Variants in CHSY3 observed in about 807,000 individuals in gnomAD.
CHSY3 encodes chondroitin sulfate synthase 3.
CHSY3 carries 35 observed loss-of-function variants against 67.2 expected under a neutral mutation model. The ratio of observed to expected loss-of-function variants is 0.52; its 90% CI spans 0.40 to 0.69. The LOEUF is 0.69. CHSY3 is among the 30% of genes least tolerant of loss of function. CHSY3 has a pLI of 0.00. For synonymous variants in CHSY3, 474 were observed against 434.7 expected, an observed-to-expected ratio of 1.09 and a Z score of -1.12; for missense variants, 1,069 against 1,138.5, an observed-to-expected ratio of 0.94 and a Z score of 0.88.
intron 2 of CHSY3, among the ~76,000 whole-genome samples, chr5:129,958,960 T>C (rs1159195956): frequency 1.3e-5 from 2 of 152,164 alleles, no homozygotes; most frequent in African/African-American, 4.8e-5. Flanking sequence ...TATTTCCTTG[T>C]TAGCCTAAAT....
chr5:129,911,682 G>C (rs1013782711), intron 2 of CHSY3, among the ~76,000 whole-genome samples: 4 of 152,200 alleles, frequency 2.6e-5, no homozygotes, highest in African/African-American at 9.6e-5. Flanking sequence ...TAAATTCTCA[G>C]AGAGTTAAGC....
At position 129,905,057 on chromosome 5, in the gene CHSY3, G is replaced by A. The variant is rs1173108381; in HGVS notation, c.228G>A (p.Pro76=). 6.5e-7 allele frequency: 1 copy of A among 1,546,372 alleles called. No homozygotes were observed. The highest frequency in any genetic ancestry group is 8.7e-7 in the Non-Finnish European group (1 of 1,152,524). Residue 76 remains proline, a synonymous_variant, in exon 1 of 3, where the codon CCG becomes CCA. Transcript: ENST00000305031. ...CCCGACCACGGCAGGAGCAGTCGCCGCCCCCCGCGCGCCAGGATCTCCAGG... is the reference window on the plus strand; with the variant it reads ...CCCGACCACGGCAGGAGCAGTCGCCACCCCCCGCGCGCCAGGATCTCCAGG... ...PQSRPRQEQS[P]PPARQDLQGP... is the part of the protein sequence containing the mutation.
chr5:129,947,644 C>CA lies in CHSY3; in HGVS notation c.1086+39292dup, dbSNP rs764262451. 7.5e-4 allele frequency among the ~76,000 whole-genome samples: 113 copies of CA among 150,690 alleles called. 1 individual carries two copies. Among genetic ancestry groups the CA allele is most frequent in the Admixed American group, 5.9e-4 (9 of 15,150 alleles). Reference sequence around the variant, plus strand: ...CTCAAAAAAAAAAAACAAAACGAAACAAAAAAAATGAGATTTGGGTGGGGG... The same window carrying CA: ...CTCAAAAAAAAAAAACAAAACGAAACAAAAAAAAATGAGATTTGGGTGGGGG... On this transcript the variant is annotated intron_variant, in intron 2 of 2. Transcript: ENST00000305031.
At chr5:130,051,033 A>G (rs1765334390) in intron 2 of CHSY3, among the ~76,000 whole-genome samples, 1 of 152,174 alleles carries the variant, frequency 6.6e-6, no homozygotes, top group Admixed American at 6.6e-5. Flanking sequence ...AAAAGTTAAA[A>G]GCTATAAAGT....
At chr5:129,916,390 G>A (rs1424059883) in intron 2 of CHSY3, among the ~76,000 whole-genome samples, 1 of 152,158 alleles carries the variant, frequency 6.6e-6, no homozygotes, top group Non-Finnish European at 1.5e-5. Context: ...AAGAGGTTCA[G>A]AGAATTCTAA....
intron 2 of CHSY3, among the ~76,000 whole-genome samples, chr5:130,059,422 T>C (rs1383694210): frequency 6.6e-6 from 1 of 151,830 alleles, no homozygotes; most frequent in Non-Finnish European, 1.5e-5. Flanking sequence ...TTCCTCTCTC[T>C]CTTTCTTCCC....
chr5:129,966,905 G>C (rs1214885945), intron 2 of CHSY3, among the ~76,000 whole-genome samples: 4 of 151,790 alleles, frequency 2.6e-5, no homozygotes, highest in Non-Finnish European at 5.9e-5. Flanking sequence ...TACAGATACT[G>C]TAAGTAACTT....
At chr5:130,088,464 G>A (rs1029299062) in intron 2 of CHSY3, among the ~76,000 whole-genome samples, 6 of 151,910 alleles carry the variant, frequency 3.9e-5, no homozygotes, top group African/African-American at 1.2e-4. Flanking sequence ...GAAAATTTTT[G>A]CAACCTACTC....
intron 2 of CHSY3, among the ~76,000 whole-genome samples, chr5:130,127,690 A>G (rs1768339031): frequency 6.6e-6 from 1 of 152,208 alleles, no homozygotes; most frequent in Non-Finnish European, 1.5e-5. Context: ...ACTTAGGTCA[A>G]TCAGAAATTC....
At chr5:130,102,752 A>G (rs1470622578) in intron 2 of CHSY3, among the ~76,000 whole-genome samples, 2 of 152,078 alleles carry the variant, frequency 1.3e-5, no homozygotes, top group Non-Finnish European at 2.9e-5. Context: ...AAATTCCTAC[A>G]TATTGGCCTG....
intron 2 of CHSY3, among the ~76,000 whole-genome samples, chr5:129,990,384 G>GTGTA (rs1307476847): frequency 2.6e-5 from 4 of 151,082 alleles, no homozygotes; most frequent in Admixed American, 1.3e-4. Flanking sequence ...GTGAGTGTGT[G>GTGTA]TGTGTGTGTG....
intron 2 of CHSY3, among the ~76,000 whole-genome samples, chr5:129,926,181 G>A (rs2149586054): frequency 6.6e-6 from 1 of 152,006 alleles, no homozygotes; most frequent in Admixed American, 6.5e-5. Context: ...ATTATTATTT[G>A]GTCACGAACC....
intron 2 of CHSY3, among the ~76,000 whole-genome samples, chr5:129,917,997 G>C (rs1760787491): frequency 6.6e-6 from 1 of 152,134 alleles, no homozygotes; most frequent in Non-Finnish European, 1.5e-5. Context: ...CTAACTATTT[G>C]TTAAAAGTTA....
intron 2 of CHSY3, among the ~76,000 whole-genome samples, chr5:129,910,494 T>C (rs1760498775): frequency 1.3e-5 from 2 of 152,164 alleles, no homozygotes; most frequent in East Asian, 3.9e-4. Flanking sequence ...AGGGAGGCAT[T>C]GATTTAATTC....
At chr5:130,174,684 C>T (rs532937642) in intron 2 of CHSY3, among the ~76,000 whole-genome samples, 1 of 152,178 alleles carries the variant, frequency 6.6e-6, no homozygotes, top group African/African-American at 2.4e-5. Context: ...AATAACTAAG[C>T]AGTTACAATA....
At chr5:129,918,929 A>C (rs1760823239) in intron 2 of CHSY3, among the ~76,000 whole-genome samples, 1 of 148,432 alleles carries the variant, frequency 6.7e-6, no homozygotes, top group Admixed American at 6.7e-5. Context: ...AACAAGGTGA[A>C]ACCCCGTCTC....
rs1353399317 is a variant in CHSY3, at chr5:130,143,727, TGTGTGTG to T, written c.1087-40501_1087-40495del. On this transcript the variant is annotated intron_variant, in intron 2 of 2. Coordinates refer to ENST00000305031, the MANE Select transcript of CHSY3 (RefSeq NM_175856.5). The stretch of plus-strand genomic sequence containing the variant: ...CATAGGGTATATATATATATGTGTG[TGTGTGTG>T]TATATATATATATATATATATATGT... 4.4e-4 allele frequency among the ~76,000 whole-genome samples: 50 copies of T among 114,160 alleles called. 6 individuals carry two copies. The East Asian group carries it at 4.7e-3, about 11-fold the overall frequency. The allele number at this position is 114,160 out of a possible 152,430, so 74.9% of individuals were successfully genotyped here. A position where few individuals can be genotyped will look rare whatever the true frequency, so the allele number is the denominator to read the frequency against.
At position 130,146,779 on chromosome 5, in the gene CHSY3, T is replaced by TTTTTGTTTTGTTTTG. The variant is rs536430526; in HGVS notation, c.1087-37435_1087-37421dup. 1.6e-4 allele frequency among the ~76,000 whole-genome samples: 25 copies of TTTTTGTTTTGTTTTG among 151,930 alleles called. 1 individual carries two copies. The highest frequency in any genetic ancestry group is 3.4e-3 in the Middle Eastern group (1 of 294). On this transcript the variant is annotated intron_variant, in intron 2 of 2. Coordinates refer to ENST00000305031, the MANE Select transcript of CHSY3 (RefSeq NM_175856.5). ...TTAAAAAAAAAGCATTTTCATTTGTTTTTTGTTTTGTTTTGTTTTGTTTTG... is the reference window on the plus strand; with the variant it reads ...TTAAAAAAAAAGCATTTTCATTTGTTTTTTGTTTTGTTTTGTTTTGTTTTGTTTTGTTTTGTTTTG...
Position 129,904,817 on chromosome 5 carries a change from C to A in CHSY3, c.-13C>A. 7.2e-7 allele frequency: 1 copy of A among 1,381,168 alleles called. No individual in the cohort carries two copies. The highest frequency in any genetic ancestry group is 1.5e-5 in the African/African-American group (1 of 66,348). 85.6% of individuals were successfully genotyped at this position (1,381,168 alleles called of 1,614,324 possible). A position where few individuals can be genotyped will look rare whatever the true frequency, so the allele number is the denominator to read the frequency against. On this transcript the variant is annotated 5_prime_UTR_variant, in exon 1 of 3. Coordinates refer to ENST00000305031, the MANE Select transcript of CHSY3 (RefSeq NM_175856.5). The stretch of plus-strand genomic sequence containing the variant: ...CGACAGCCCAGCGAGCGTCCGCGCC[C>A]GGGACAGCCGCGATGGCTGTGCGCT...
Sources: gnomAD v4.1 joint callset for allele counts (sites outside exome capture counted in the v4.1 genomes callset) on GRCh38, gnomAD v4.1.1 for gene constraint, MANE v1.5 for transcripts, NCBI Gene and HGNC (gene_info 2026-07-23, HGNC 2026-07-21) for gene names.